The following ZNF516 variants were observed in gnomAD, a reference collection of about 807,000 sequenced individuals.
ZNF516 encodes the protein zinc finger protein 516.
Under a neutral mutation model 79.7 loss-of-function variants are expected in ZNF516, and 19 were observed. That is an observed-to-expected ratio of 0.24 (90% CI 0.17 to 0.35). The LOEUF (loss-of-function observed/expected upper bound fraction) is 0.35, where lower values mean the gene tolerates loss of function less well. Among genes scored for constraint, ZNF516 ranks in the 10% least tolerant of loss-of-function variants. The pLI, the probability that ZNF516 is intolerant of heterozygous loss-of-function variation, is 1.00. For synonymous variants in ZNF516, 877 were observed against 739.5 expected, an observed-to-expected ratio of 1.19 and a Z score of -3.02; for missense variants, 1,678 against 1,679.5, an observed-to-expected ratio of 1.00 and a Z score of 0.02.
At chr18:76,461,762 C>T (rs777867123) in intron 2 of ZNF516, among the ~76,000 whole-genome samples, 5 of 152,208 alleles carry the variant, frequency 3.3e-5, no homozygotes, top group Admixed American at 1.3e-4. Flanking sequence ...AGGGACCGCA[C>T]GGGAACCAGC....
intron 3 of ZNF516, among the ~76,000 whole-genome samples, chr18:76,428,405 A>G (rs959120488): frequency 1.8e-4 from 28 of 151,648 alleles, no homozygotes; most frequent in Admixed American, 1.7e-3. Context: ...AAAAAAAAAA[A>G]AAAAGAAAGA....
In ZNF516 at chr18:76,384,841, G is replaced by A. The variant is rs373435249; in HGVS notation, c.1811-4538C>T. Among the ~76,000 whole-genome samples, 114 of 152,250 alleles carry A rather than the reference G, an allele frequency of 7.5e-4. 5 individuals carry two copies. In the South Asian group the frequency reaches 9.5e-3, roughly 13 times the overall value. ...CAGCCCCTGGGTGGCAGTGCTCACC[G>A]GGCACTTTATTAGAATTGAAGGAAA... On this transcript the variant is annotated intron_variant, in intron 3 of 6. Coordinates refer to ENST00000443185, the MANE Select transcript of ZNF516 (RefSeq NM_014643.4).
chr18:76,385,204 A>G (rs915538186), intron 3 of ZNF516, among the ~76,000 whole-genome samples: 2 of 152,214 alleles, frequency 1.3e-5, no homozygotes, highest in African/African-American at 4.8e-5. Flanking sequence ...CTTTCTAAGC[A>G]GGACCTTCCT....
chr18:76,477,148 G>A (rs1953179279), intron 1 of ZNF516, among the ~76,000 whole-genome samples: 1 of 152,130 alleles, frequency 6.6e-6, no homozygotes, highest in Admixed American at 6.5e-5. Context: ...CATATCGTTT[G>A]GACTTTGTAA....
intron 4 of ZNF516, among the ~76,000 whole-genome samples, chr18:76,374,461 CT>C (rs2074754906): frequency 6.6e-6 from 1 of 152,210 alleles, no homozygotes; most frequent in Admixed American, 6.5e-5. Context: ...TCTTTCCTTC[CT>C]GTTTGGGTAG....
chr18:76,380,214 C>T lies in ZNF516; in HGVS notation c.1900G>A (p.Ala634Thr), dbSNP rs200573902. 1,899 of 1,613,986 alleles carry T rather than the reference C, an allele frequency of 1.2e-3. 4 individuals carry two copies. The highest frequency in any genetic ancestry group is 2.3e-3 in the South Asian group (205 of 91,074). The change falls in exon 4 of 7, where the codon GCC (alanine) becomes ACC (threonine). Residue 634 changes from alanine (A) to threonine (T), a missense_variant. Ala to Thr is a moderately conservative substitution (Grantham distance 58, BLOSUM62 0). This residue lies in a region of ZNF516 where 1,294 missense variants were observed against 1,248.3 expected (regional missense o/e 1.04). Transcript: ENST00000443185. ...GDQSHKMGDN[A>T]SERDTGESKA... is the part of the protein sequence containing the mutation. ...GACTCGCCGGTGTCTCTTTCCGAGG[C>T]GTTATCTCCCATCTTGTGACTCTGG...
At chr18:76,437,053 CA>C (rs1426449808) in intron 3 of ZNF516, among the ~76,000 whole-genome samples, 1 of 116,486 alleles carries the variant, frequency 8.6e-6, no homozygotes, top group African/African-American at 3.2e-5. Flanking sequence ...GGTGACAGAG[CA>C]AGACCTGTCT....
chr18:76,472,930 A>G (rs1220879173), intron 1 of ZNF516, among the ~76,000 whole-genome samples: 2 of 152,264 alleles, frequency 1.3e-5, no homozygotes, highest in African/African-American at 2.4e-5. Context: ...CTAAAAAACA[A>G]CAGCCAAAAA....
Position 76,442,617 on chromosome 18 carries a change from G to T in ZNF516, c.438C>A (p.Ala146=), listed in dbSNP as rs758011370. The change falls in exon 3 of 7, where the codon GCC becomes GCA. Residue 146 remains alanine, a synonymous_variant. Transcript: ENST00000443185. ...GARVLNGASQ[A]DSGRVLLRSS... ...TCCGCAGCAGGACTCTGCCGCTGTC[G>T]GCCTGCGAGGCCCCGTTCAGGACCC... The T allele has an allele frequency of 1.9e-6, 3 of 1,596,008 alleles. No homozygotes were observed. Among genetic ancestry groups the T allele is most frequent in the Non-Finnish European group, 2.5e-6 (3 of 1,178,194 alleles).
intron 3 of ZNF516, among the ~76,000 whole-genome samples, chr18:76,425,626 C>G (rs867740187): frequency 1.4e-4 from 21 of 152,188 alleles, no homozygotes; most frequent in African/African-American, 5.1e-4. Flanking sequence ...ATTCTTGGGG[C>G]TGTTTCGATT....
At chr18:76,390,795 C>T (rs541960343) in intron 3 of ZNF516, among the ~76,000 whole-genome samples, 44 of 152,304 alleles carry the variant, frequency 2.9e-4, no homozygotes, top group East Asian at 7.7e-4. Flanking sequence ...TGACACTTTC[C>T]GGGTTCACTG....
At position 76,378,022 on chromosome 18, in the gene ZNF516, A is replaced by C. The variant is rs578048967; in HGVS notation, c.3259+833T>G. On this transcript the variant is annotated intron_variant, in intron 4 of 6. Transcript: ENST00000443185. ...TTGAGCCACCATGCCTGGCCACGAC[A>C]AACAATTCTATCGAAGAACGGTTAG... is the stretch of plus-strand genomic sequence containing the variant. The C allele has an allele frequency of 9.2e-5, 14 of 152,378 alleles. No individual in the cohort carries two copies. In the South Asian group the frequency reaches 2.9e-3, roughly 32 times the overall value. 9.4% of individuals were successfully genotyped at this position (152,378 alleles called of 1,614,324 possible).
chr18:76,410,833 G>C (rs1421364481), intron 3 of ZNF516, among the ~76,000 whole-genome samples: 1 of 152,058 alleles, frequency 6.6e-6, no homozygotes, highest in Non-Finnish European at 1.5e-5. Flanking sequence ...ATCTCCCGGG[G>C]GAGTTTTTCA....
chr18:76,461,265 C>G (rs906758848), intron 2 of ZNF516, among the ~76,000 whole-genome samples: 1 of 152,210 alleles, frequency 6.6e-6, no homozygotes, highest in Non-Finnish European at 1.5e-5. Context: ...CTGGACACTC[C>G]GTCATCACTG....
chr18:76,481,311 T>C (rs1429741386), intron 1 of ZNF516, among the ~76,000 whole-genome samples: 4 of 152,216 alleles, frequency 2.6e-5, no homozygotes, highest in South Asian at 2.1e-4. Flanking sequence ...AGCAGGCCCA[T>C]AGACAGGCTG....
intron 3 of ZNF516, among the ~76,000 whole-genome samples, chr18:76,418,904 G>GTC (rs2075470846): frequency 6.6e-6 from 1 of 152,248 alleles, no homozygotes; most frequent in African/African-American, 2.4e-5. Context: ...AGGGCAGAGG[G>GTC]TCTGCAGGGC....
At chr18:76,464,288 C>T (rs1913310121) in intron 1 of ZNF516, among the ~76,000 whole-genome samples, 1 of 152,192 alleles carries the variant, frequency 6.6e-6, no homozygotes, top group Non-Finnish European at 1.5e-5. Flanking sequence ...AGAAGAATCG[C>T]TTGAACCCAG....
intron 3 of ZNF516, among the ~76,000 whole-genome samples, chr18:76,410,933 C>T (rs1034135634): frequency 1.3e-5 from 2 of 152,232 alleles, no homozygotes; most frequent in Non-Finnish European, 2.9e-5. Context: ...TGTGCTCAGT[C>T]TGCCTTTCAA....
intron 6 of ZNF516, among the ~76,000 whole-genome samples, chr18:76,363,721 T>C (rs1187174926): frequency 1.3e-5 from 2 of 152,242 alleles, no homozygotes; most frequent in South Asian, 2.1e-4. Flanking sequence ...AAGACATCTC[T>C]GAGGTTCTGA....
Sources: gnomAD v4.1 joint callset for allele counts (sites outside exome capture counted in the v4.1 genomes callset) on GRCh38, gnomAD v4.1.1 for gene constraint, gnomAD v4.1.1 regional missense constraint, MANE v1.5 for transcripts, NCBI Gene and HGNC (gene_info 2026-07-23, HGNC 2026-07-21) for gene names.